Variants in ARB2A observed in about 807,000 individuals in gnomAD.
The protein encoded by ARB2A is cotranscriptional regulator ARB2A.
chr5:93,697,999 TA>T, the ARB2A span, among the ~76,000 whole-genome samples: 1 of 152,058 alleles, frequency 6.6e-6, no homozygotes, highest in African/African-American at 2.4e-5. Flanking sequence ...ATTATTTTAT[TA>T]AAAAAATGCA....
the ARB2A span, among the ~76,000 whole-genome samples, chr5:94,052,881 C>A: frequency 3.9e-5 from 6 of 152,120 alleles, no homozygotes. Flanking sequence ...ACCATTAGTT[C>A]ACGTAACTTG....
chr5:94,109,826 A>AATAGCATCCTCT, the ARB2A span, among the ~76,000 whole-genome samples: 1 of 151,924 alleles, frequency 6.6e-6, no homozygotes, highest in South Asian at 2.1e-4. Flanking sequence ...CCCTATCTAA[A>AATAGCATCCTCT]ATAGCATCCT....
the ARB2A span, among the ~76,000 whole-genome samples, chr5:93,952,115 G>A: frequency 1.3e-5 from 2 of 152,054 alleles, no homozygotes; most frequent in Admixed American, 1.3e-4. Context: ...ATGAGTAGAG[G>A]GAAGAAGAAA....
the ARB2A span, among the ~76,000 whole-genome samples, chr5:93,761,271 G>A: frequency 1.3e-5 from 2 of 152,134 alleles, no homozygotes; most frequent in African/African-American, 2.4e-5. Context: ...CCCCTCACCC[G>A]GGAAGCACAA....
the ARB2A span, among the ~76,000 whole-genome samples, chr5:93,678,740 A>G: frequency 6.6e-6 from 1 of 151,926 alleles, no homozygotes; most frequent in Non-Finnish European, 1.5e-5. Flanking sequence ...TGGGTAACAG[A>G]GCAAGACTTC....
the ARB2A span, among the ~76,000 whole-genome samples, chr5:93,756,040 T>C: frequency 6.6e-6 from 1 of 152,106 alleles, no homozygotes; most frequent in African/African-American, 2.4e-5. Flanking sequence ...GTGGGGGGCA[T>C]GGTGGGAGTG....
chr5:94,083,376 T>C, the ARB2A span, among the ~76,000 whole-genome samples: 2 of 152,094 alleles, frequency 1.3e-5, no homozygotes, highest in African/African-American at 4.8e-5. Flanking sequence ...TACAAAACAT[T>C]AGAATATCTA....
the ARB2A span, among the ~76,000 whole-genome samples, chr5:93,702,177 T>C: frequency 6.6e-6 from 1 of 152,190 alleles, no homozygotes. Flanking sequence ...AGACCGTAAC[T>C]TATACATACA....
At chr5:93,829,785 A>C in the ARB2A span, among the ~76,000 whole-genome samples, 2 of 152,220 alleles carry the variant, frequency 1.3e-5, no homozygotes, top group African/African-American at 4.8e-5. Context: ...GGCTTTGATA[A>C]TTTATCTTTC....
At chr5:94,009,724 A>AT in the ARB2A span, among the ~76,000 whole-genome samples, 29 of 151,892 alleles carry the variant, frequency 1.9e-4, no homozygotes, top group Admixed American at 7.9e-4. Flanking sequence ...ATATAACGTT[A>AT]TTTGGGTTAT....
the ARB2A span, among the ~76,000 whole-genome samples, chr5:93,973,081 TG>T: frequency 6.8e-6 from 1 of 146,606 alleles, no homozygotes; most frequent in African/African-American, 2.5e-5. Context: ...CTGAAGCAGC[TG>T]GGACTACAGG....
At chr5:94,000,687 G>A in the ARB2A span, among the ~76,000 whole-genome samples, 8 of 151,586 alleles carry the variant, frequency 5.3e-5, no homozygotes, top group South Asian at 2.1e-4. Context: ...TTTCTTTCAC[G>A]GACTATACCT....
chr5:93,800,717 A>G, the ARB2A span, among the ~76,000 whole-genome samples: 1 of 152,176 alleles, frequency 6.6e-6, no homozygotes, highest in African/African-American at 2.4e-5. Context: ...TAAAAAATAA[A>G]TGGAGCAAAT....
At chr5:94,085,387 T>C in the ARB2A span, among the ~76,000 whole-genome samples, 2 of 152,174 alleles carry the variant, frequency 1.3e-5, no homozygotes. Flanking sequence ...AGTCAGAATA[T>C]TGGCAAGTTC....
At chr5:93,875,914 G>C in the ARB2A span, among the ~76,000 whole-genome samples, 1 of 152,056 alleles carries the variant, frequency 6.6e-6, no homozygotes, top group Non-Finnish European at 1.5e-5. Context: ...GAAAAGCAGT[G>C]TATCTGTAGT....
the ARB2A span, among the ~76,000 whole-genome samples, chr5:94,109,521 T>C: frequency 1.3e-5 from 2 of 152,180 alleles, no homozygotes; most frequent in African/African-American, 4.8e-5. Flanking sequence ...TCTCTACATA[T>C]CTACAGACAC....
the ARB2A span, among the ~76,000 whole-genome samples, chr5:93,633,835 T>C: frequency 0.17 from 26,151 of 152,034 alleles, 2,901 homozygotes; most frequent in African/African-American, 0.3. Context: ...AGACAAGGTA[T>C]TGGTCTGTCA....
the ARB2A span, among the ~76,000 whole-genome samples, chr5:93,855,770 A>T: frequency 1.3e-5 from 2 of 152,180 alleles, no homozygotes; most frequent in Admixed American, 1.3e-4. Flanking sequence ...TTTCTTTAAG[A>T]ATGTTGAATA....
the ARB2A span, among the ~76,000 whole-genome samples, chr5:93,817,041 C>T: frequency 8.6e-5 from 13 of 151,574 alleles, no homozygotes; most frequent in East Asian, 1.9e-4. Context: ...TCTGTATTCA[C>T]GAATGATATG....
Sources: gnomAD v4.1 joint callset for allele counts (sites outside exome capture counted in the v4.1 genomes callset) on GRCh38, gnomAD v4.1.1 for gene constraint, MANE v1.5 for transcripts, NCBI Gene and HGNC (gene_info 2026-07-23, HGNC 2026-07-21) for gene names.